The following LRP1B variants were observed in gnomAD, a reference collection of about 807,000 sequenced individuals.
LRP1B encodes low-density lipoprotein receptor-related protein 1B.
In LRP1B, 217 loss-of-function variants were observed where a neutral mutation model predicts 556.6. The ratio of observed to expected loss-of-function variants is 0.39; its 90% CI spans 0.35 to 0.44. The LOEUF is 0.44. Ranked by LOEUF, LRP1B falls within the 20% of genes least tolerant of loss-of-function variation. The pLI is 1.00. For synonymous variants in LRP1B, 2,047 were observed against 1,865.8 expected (o/e 1.10, Z -2.50); for missense variants, 5,053 against 5,620.8 (o/e 0.90, Z 3.23).
rs568204199 is a variant in LRP1B at position 140,433,339 on chromosome 2, C to T, written c.10414+9165G>A. On this transcript the variant is annotated intron_variant, in intron 66 of 90. Coordinates refer to ENST00000389484, the MANE Select transcript of LRP1B (RefSeq NM_018557.3). Reference sequence around the variant, plus strand: ...TCTTGAACTCCTGACATCAGGTGATCTGCCCGCCTCAGCCTCCCAAAATGC... The same window carrying T: ...TCTTGAACTCCTGACATCAGGTGATTTGCCCGCCTCAGCCTCCCAAAATGC... Among the ~76,000 whole-genome samples the T allele has an allele frequency of 2.7e-3, 405 of 152,288 alleles. 1 individual carries two copies. Among genetic ancestry groups the T allele is most frequent in the Non-Finnish European group, 3.7e-3 (250 of 68,026 alleles).
At chr2:140,882,763 CTT>C (rs1693512608) in intron 25 of LRP1B, among the ~76,000 whole-genome samples, 1 of 152,156 alleles carries the variant, frequency 6.6e-6, no homozygotes, top group African/African-American at 2.4e-5. Context: ...AGGAGGCCGA[CTT>C]AGACATCGCC....
At chr2:142,117,982 T>G (rs1707332160) in intron 1 of LRP1B, among the ~76,000 whole-genome samples, 1 of 152,138 alleles carries the variant, frequency 6.6e-6, no homozygotes, top group South Asian at 2.1e-4. Context: ...GCATAGAAAT[T>G]TAAGCAGCCT....
chr2:141,492,144 A>G (rs1423196223), intron 2 of LRP1B, among the ~76,000 whole-genome samples: 5 of 151,606 alleles, frequency 3.3e-5, no homozygotes, highest in Non-Finnish European at 5.9e-5. Flanking sequence ...CCAAACTAGT[A>G]AACACAATGT....
chr2:141,826,350 A>T (rs1676131838), intron 1 of LRP1B, among the ~76,000 whole-genome samples: 1 of 139,620 alleles, frequency 7.2e-6, no homozygotes, highest in Admixed American at 8.1e-5. Context: ...CATACTTTTC[A>T]GAAGTTTTTT....
At chr2:140,595,125 T>G (rs888240154) in intron 43 of LRP1B, among the ~76,000 whole-genome samples, 1 of 100,954 alleles carries the variant, frequency 9.9e-6, no homozygotes, top group African/African-American at 4.5e-5. Flanking sequence ...TATATATATA[T>G]ATATATATAT....
intron 41 of LRP1B, among the ~76,000 whole-genome samples, chr2:140,693,287 T>C (rs1450115481): frequency 2.6e-5 from 4 of 152,202 alleles, no homozygotes; most frequent in Admixed American, 6.5e-5. Context: ...ACTATCAACA[T>C]GTGCAGTTTC....
chr2:141,739,193 A>C (rs1389737659), intron 2 of LRP1B, among the ~76,000 whole-genome samples: 2 of 152,130 alleles, frequency 1.3e-5, no homozygotes, highest in Admixed American at 1.3e-4. Flanking sequence ...TAAAGTTTTA[A>C]AGTTTGTTTT....
intron 29 of LRP1B, among the ~76,000 whole-genome samples, chr2:140,844,821 T>G (rs1692226091): frequency 6.6e-6 from 1 of 152,160 alleles, no homozygotes; most frequent in Non-Finnish European, 1.5e-5. Context: ...AAACTCAACA[T>G]GCTAACACAC....
At chr2:142,073,788 A>G (rs756806910) in intron 1 of LRP1B, among the ~76,000 whole-genome samples, 3 of 151,902 alleles carry the variant, frequency 2.0e-5, no homozygotes, top group Non-Finnish European at 4.4e-5. Flanking sequence ...TAGAGTTCTC[A>G]TGAGATCTGG....
chr2:140,574,002 G>A, intron 43 of LRP1B, among the ~76,000 whole-genome samples: 1 of 151,870 alleles, frequency 6.6e-6, no homozygotes, highest in East Asian at 1.9e-4. Flanking sequence ...AAAGATTTGA[G>A]GATAACGGGA....
At chr2:141,205,771 G>T (rs1417475317) in intron 6 of LRP1B, among the ~76,000 whole-genome samples, 1 of 152,154 alleles carries the variant, frequency 6.6e-6, no homozygotes, top group African/African-American at 2.4e-5. Flanking sequence ...AACTAGAAAT[G>T]GTTTCTGTTC....
At chr2:141,061,822 T>C (rs1421897817) in intron 8 of LRP1B, among the ~76,000 whole-genome samples, 1 of 151,838 alleles carries the variant, frequency 6.6e-6, no homozygotes, top group East Asian at 1.9e-4. Context: ...TGTTTACTTG[T>C]TTTCTCTGTT....
chr2:140,701,579 A>G, intron 40 of LRP1B, 142 bp downstream of exon 40: 1 of 799,868 alleles, frequency 1.3e-6, no homozygotes, highest in Non-Finnish European at 1.9e-6. Flanking sequence ...CTACTATATG[A>G]TACTTGCAGG....
In LRP1B at chr2:140,238,342, ACAAT is replaced by A. The variant is rs771740614; in HGVS notation, c.13416-50_13416-47del. 24 of 964,558 alleles carry A rather than the reference ACAAT, an allele frequency of 2.5e-5. No homozygotes were observed. The African/African-American group carries it at 2.7e-4, about 11-fold the overall frequency. 59.7% of individuals were successfully genotyped at this position (964,558 alleles called of 1,614,324 possible). ...TATGTGTGAGTTTTGTATAAATATC[ACAAT>A]CAAGGCATATGAAATTATATTTATA... On this transcript the variant is annotated intron_variant, in intron 88 of 90. Coordinates refer to ENST00000389484, the MANE Select transcript of LRP1B (RefSeq NM_018557.3).
At chr2:141,722,171 A>G (rs1692840946) in intron 2 of LRP1B, among the ~76,000 whole-genome samples, 2 of 152,162 alleles carry the variant, frequency 1.3e-5, no homozygotes, top group Admixed American at 6.6e-5. Context: ...TGATGTCAGG[A>G]GTTCGAGGCC....
intron 7 of LRP1B, among the ~76,000 whole-genome samples, chr2:141,094,664 A>G (rs750141957): frequency 1.2e-4 from 18 of 152,190 alleles, no homozygotes; most frequent in Non-Finnish European, 2.4e-4. Flanking sequence ...GGCATTGCTA[A>G]ATTATGCATC....
intron 5 of LRP1B, among the ~76,000 whole-genome samples, chr2:141,244,119 A>C (rs12624031): frequency 0.29 from 43,414 of 152,128 alleles, 6,761 homozygotes; most frequent in Middle Eastern, 0.47. Flanking sequence ...CAGCACCTTT[A>C]GAGGCAGCTT....
intron 27 of LRP1B, among the ~76,000 whole-genome samples, chr2:140,865,350 G>T (rs1017856732): frequency 6.6e-6 from 1 of 151,796 alleles, no homozygotes; most frequent in Non-Finnish European, 1.5e-5. Context: ...TTATAGTACT[G>T]AATGTCATGT....
chr2:141,469,740 C>G (rs1277338594), intron 3 of LRP1B, among the ~76,000 whole-genome samples: 1 of 152,162 alleles, frequency 6.6e-6, no homozygotes, highest in African/African-American at 2.4e-5. Flanking sequence ...TTAGGCTCAA[C>G]AGATCTCAAG....
Sources: allele counts gnomAD v4.1 joint callset (sites outside exome capture counted in the v4.1 genomes callset), GRCh38; gene constraint gnomAD v4.1.1; transcripts MANE v1.5; gene names NCBI Gene and HGNC (gene_info 2026-07-23, HGNC 2026-07-21).